Variants in MSH3 observed in about 807,000 individuals in gnomAD.
MSH3 encodes DNA mismatch repair protein Msh3.
In MSH3, 106 loss-of-function variants were observed where a neutral mutation model predicts 123.3. The observed-to-expected ratio is 0.86, with a 90% CI of 0.73 to 1.01. The LOEUF (loss-of-function observed/expected upper bound fraction) is 1.01. Among genes scored for constraint, MSH3 ranks in the 50% least tolerant of loss-of-function variants. The pLI is 0.00. For synonymous variants in MSH3, 515 were observed against 481.4 expected (o/e 1.07, Z -0.91); for missense variants, 1,459 against 1,347.6 (o/e 1.08, Z -1.29).
intron 20 of MSH3, among the ~76,000 whole-genome samples, chr5:80,851,260 C>T (rs968110770): frequency 1.3e-5 from 2 of 152,094 alleles, no homozygotes; most frequent in Admixed American, 1.3e-4. Context: ...TTCTAATAGA[C>T]ATTGCTAAAT....
intron 12 of MSH3, among the ~76,000 whole-genome samples, chr5:80,757,910 G>GC (rs1245673808): frequency 6.6e-6 from 1 of 152,116 alleles, no homozygotes; most frequent in Non-Finnish European, 1.5e-5. Context: ...AGTCATTCTT[G>GC]CTTATTTCCA....
chr5:80,826,523 G>T (rs889123986), intron 20 of MSH3, among the ~76,000 whole-genome samples: 1 of 150,794 alleles, frequency 6.6e-6, no homozygotes, highest in Non-Finnish European at 1.5e-5. Context: ...TGGATGAAAC[G>T]CTATAAACAG....
At chr5:80,784,890 A>G (rs947579813) in intron 17 of MSH3, among the ~76,000 whole-genome samples, 8 of 152,244 alleles carry the variant, frequency 5.3e-5, no homozygotes, top group African/African-American at 1.9e-4. Context: ...TATACAGTAT[A>G]CTGTGAATAT....
intron 20 of MSH3, among the ~76,000 whole-genome samples, chr5:80,840,320 T>C (rs183104929): frequency 3.3e-4 from 51 of 152,366 alleles, no homozygotes; most frequent in African/African-American, 1.1e-3. Flanking sequence ...AAGGGGAATC[T>C]TCTAGGCATC....
chr5:80,663,203 C>T (rs781093566), intron 2 of MSH3, among the ~76,000 whole-genome samples: 42 of 152,068 alleles, frequency 2.8e-4, no homozygotes, highest in Non-Finnish European at 5.1e-4. Context: ...TTGTTTTGAA[C>T]GAAGGTTCAT....
intron 13 of MSH3, among the ~76,000 whole-genome samples, chr5:80,767,691 G>GA (rs1744146112): frequency 6.6e-6 from 1 of 151,834 alleles, no homozygotes; most frequent in African/African-American, 2.4e-5. Flanking sequence ...TTTTAAAAAT[G>GA]AAAAAATACT....
rs1291213785 is a variant in MSH3 at position 80,847,732 on chromosome 5, T to C, written c.2814-6398T>C. Reference sequence around the variant, plus strand: ...AAACCTTCCCATATGAAGGTGCATGTCTTATTTCAGCGTAGGGGCATTTTC... The same window carrying C: ...AAACCTTCCCATATGAAGGTGCATGCCTTATTTCAGCGTAGGGGCATTTTC... On this transcript the variant is annotated intron_variant, in intron 20 of 23. Coordinates refer to ENST00000265081, the MANE Select transcript of MSH3 (RefSeq NM_002439.5). Among the ~76,000 whole-genome samples the C allele has an allele frequency of 2.6e-5, 4 of 152,338 alleles. No individual in the cohort carries two copies. In the East Asian group the frequency reaches 5.8e-4, roughly 22 times the overall value.
intron 7 of MSH3, among the ~76,000 whole-genome samples, chr5:80,678,367 C>T (rs1211858228): frequency 6.6e-6 from 1 of 152,154 alleles, no homozygotes; most frequent in African/African-American, 2.4e-5. Context: ...GATTATTCTA[C>T]TGGATAGACT....
chr5:80,859,203 C>T (rs1745969070), intron 21 of MSH3, among the ~76,000 whole-genome samples: 2 of 152,110 alleles, frequency 1.3e-5, no homozygotes. Context: ...TCACTGCAAC[C>T]TCTGCCTCCC....
rs1171802933 is a variant in MSH3 at position 80,692,651 on chromosome 5, GAT to G, written c.1340+13568_1340+13569del. ...GTATATGTTTATATATGTTTATATA[GAT>G]ATATATATACACATGTATATGTTTA... On this transcript the variant is annotated intron_variant, in intron 8 of 23. Coordinates refer to ENST00000265081, the MANE Select transcript of MSH3 (RefSeq NM_002439.5). 2.1e-3 allele frequency among the ~76,000 whole-genome samples: 234 copies of G among 113,420 alleles called. 5 individuals carry two copies. The highest frequency in any genetic ancestry group is 5.4e-3 in the African/African-American group (180 of 33,432). The allele number at this position is 113,420 out of a possible 152,430, so 74.4% of individuals were successfully genotyped here.
intron 13 of MSH3, among the ~76,000 whole-genome samples, chr5:80,762,778 T>TTTTA (rs1744059882): frequency 7.8e-6 from 1 of 127,974 alleles, no homozygotes; most frequent in South Asian, 2.5e-4. Context: ...TTATTTTAAT[T>TTTTA]TTTTATTTTA....
chr5:80,750,048 T>C (rs1229514843), intron 12 of MSH3, among the ~76,000 whole-genome samples: 1 of 143,288 alleles, frequency 7.0e-6, no homozygotes, highest in African/African-American at 2.6e-5. Context: ...AATTTACTGC[T>C]TTTTTTTTTA....
intron 20 of MSH3, among the ~76,000 whole-genome samples, chr5:80,837,755 A>G (rs1745542839): frequency 6.6e-6 from 1 of 152,240 alleles, no homozygotes; most frequent in Non-Finnish European, 1.5e-5. Context: ...CATTTATTAT[A>G]TCAACATTTC....
In MSH3 at chr5:80,792,189, T is replaced by G. The variant is rs147428517; in HGVS notation, c.2544-544T>G. ...GAAAATAAGTAGCAATAATCTGAAC[T>G]GTTATCTTTACTAATGAAAATATTG... On this transcript the variant is annotated intron_variant, in intron 18 of 23. Coordinates refer to ENST00000265081, the MANE Select transcript of MSH3 (RefSeq NM_002439.5). 9.3e-3 allele frequency among the ~76,000 whole-genome samples: 1,415 copies of G among 152,266 alleles called. 7 individuals carry two copies. Among genetic ancestry groups the G allele is most frequent in the Middle Eastern group, 0.044 (13 of 294 alleles).
At chr5:80,743,212 C>T (rs959466201) in intron 11 of MSH3, among the ~76,000 whole-genome samples, 69 of 152,086 alleles carry the variant, frequency 4.5e-4, no homozygotes, top group Non-Finnish European at 6.3e-4. Context: ...GGCCTCCTCA[C>T]GGGACCCTTT....
intron 20 of MSH3, among the ~76,000 whole-genome samples, chr5:80,827,809 G>A (rs773464470): frequency 3.3e-5 from 5 of 152,302 alleles, no homozygotes; most frequent in Middle Eastern, 3.4e-3. Context: ...CAAATCCCAG[G>A]CAAATCTTCT....
At chr5:80,768,803 C>G (rs376360531) in intron 14 of MSH3, 32 bp from the exon 15 acceptor site, 3 of 1,546,020 alleles carry the variant, frequency 1.9e-6, no homozygotes, top group Non-Finnish European at 2.7e-6. Flanking sequence ...TAATAAACTT[C>G]GAATATGTAT....
intron 22 of MSH3, among the ~76,000 whole-genome samples, chr5:80,871,006 C>T (rs1251982007): frequency 6.6e-6 from 1 of 152,146 alleles, no homozygotes; most frequent in Non-Finnish European, 1.5e-5. Flanking sequence ...AAACTACATG[C>T]AGTGGTTTAT....
intron 19 of MSH3, among the ~76,000 whole-genome samples, chr5:80,802,571 TACAA>T (rs1194211577): frequency 2.0e-5 from 3 of 152,186 alleles, no homozygotes; most frequent in Non-Finnish European, 4.4e-5. Context: ...TTCTTTATGT[TACAA>T]ACAATCCAGT....
Sources: gnomAD v4.1 joint callset for allele counts (sites outside exome capture counted in the v4.1 genomes callset) on GRCh38, gnomAD v4.1.1 for gene constraint, MANE v1.5 for transcripts, NCBI Gene and HGNC (gene_info 2026-07-23, HGNC 2026-07-21) for gene names.